The following PCM1 variants were observed in gnomAD, a reference collection of about 807,000 sequenced individuals.
The protein encoded by PCM1 is pericentriolar material 1, also known as pericentriolar material 1 protein.
A neutral mutation model predicts 241.9 loss-of-function variants in PCM1; 157 were observed. The observed-to-expected ratio is 0.65, with a 90% confidence interval of 0.57 to 0.74. The LOEUF (loss-of-function observed/expected upper bound fraction) is 0.74, where lower values mean the gene tolerates loss of function less well. Ranked by LOEUF, PCM1 falls within the 30% of genes least tolerant of loss-of-function variation. The pLI is 0.00. For missense variants in PCM1, 3,478 were observed against 2,360.1 expected (o/e 1.47, Z -9.81); for synonymous variants, 1,085 against 784.9 (o/e 1.38, Z -6.39).
intron 23 of PCM1, among the ~76,000 whole-genome samples, chr8:17,974,541 T>C (rs1314491604): frequency 1.3e-5 from 2 of 152,190 alleles, no homozygotes; most frequent in Non-Finnish European, 1.5e-5. Context: ...ACAGACTCTC[T>C]TGTGTTGCCA....
intron 21 of PCM1, 80 bp downstream of exon 21, chr8:17,967,250 T>G (rs2075214858): frequency 2.0e-6 from 2 of 983,566 alleles, no homozygotes; most frequent in Non-Finnish European, 3.0e-6. Context: ...CCTAGATGTT[T>G]TAACATTTTC....
intron 29 of PCM1, among the ~76,000 whole-genome samples, chr8:17,998,147 C>T (rs2087670209): frequency 6.6e-6 from 1 of 152,270 alleles, no homozygotes. Context: ...ATATCTCTCT[C>T]CAGGATTGGC....
At chr8:17,941,693 A>G (rs1459884610) in intron 6 of PCM1, among the ~76,000 whole-genome samples, 2 of 152,180 alleles carry the variant, frequency 1.3e-5, no homozygotes, top group Non-Finnish European at 2.9e-5. Flanking sequence ...ATTGAGGACA[A>G]ACTAGGGAAT....
rs1272027567 is a variant in PCM1, at chr8:17,972,608, G to C, written c.3864G>C (p.Leu1288=). The C allele has an allele frequency of 3.8e-6, 6 of 1,589,570 alleles. No homozygotes were observed. In the Admixed American group the frequency reaches 5.5e-5, roughly 15 times the overall value. The change falls in exon 23 of 39, where the codon CTG becomes CTC. Residue 1288 remains leucine (L), a synonymous_variant. Coordinates refer to ENST00000325083, the MANE Select transcript of PCM1 (RefSeq NM_006197.4). ...KTRKASAQAS[L]ASKDKTPKSK... ...GAAAAGCGTCTGCACAGGCCAGCCT[G>C]GCATCTAAAGATAAAACTCCCAAGT... is the stretch of plus-strand genomic sequence containing the variant.
chr8:17,958,575 G>A (rs527911321), intron 13 of PCM1, among the ~76,000 whole-genome samples: 1 of 147,268 alleles, frequency 6.8e-6, no homozygotes, highest in Admixed American at 6.7e-5. Flanking sequence ...AAGGTGTTGT[G>A]TATATATATA....
At chr8:17,978,259 GACTT>G (rs1366261746) in intron 23 of PCM1, among the ~76,000 whole-genome samples, 3 of 152,014 alleles carry the variant, frequency 2.0e-5, no homozygotes, top group Admixed American at 1.3e-4. Context: ...GACGATTAGA[GACTT>G]ACAAGAAGTT....
intron 26 of PCM1, 56 bp downstream of exon 26, chr8:17,986,143 A>C (rs2082508199): frequency 1.7e-6 from 2 of 1,202,284 alleles, no homozygotes; most frequent in Non-Finnish European, 2.3e-6. Flanking sequence ...CAGTAAATAA[A>C]AGTTAAATAG....
rs1399666500 is a variant in PCM1 at position 18,011,803 on chromosome 8, T to A, written c.5487T>A (p.Thr1829=). 6 of 1,613,170 alleles carry A rather than the reference T, an allele frequency of 3.7e-6. No individual in the cohort carries two copies. Among genetic ancestry groups the A allele is most frequent in the Non-Finnish European group, 5.1e-6 (6 of 1,179,674 alleles). ...QTSLQANTEA[T]EENEHDEQVL... Reference sequence around the variant, plus strand: ...CCCTCCAGGCTAACACTGAAGCTACTGAAGAAAATGAACATGATGAACAGG... The same window carrying A: ...CCCTCCAGGCTAACACTGAAGCTACAGAAGAAAATGAACATGATGAACAGG... Residue 1829 remains threonine (T), a synonymous_variant, in exon 34 of 39, where the codon ACT becomes ACA. Transcript: ENST00000325083.
At chr8:17,927,473 C>T (rs1315609511) in intron 2 of PCM1, 1 of 152,102 alleles carries the variant, frequency 6.6e-6, no homozygotes, top group Non-Finnish European at 1.5e-5. Context: ...CAAAGGTAAA[C>T]TGTAGTCATA....
rs2091255789 is a variant in PCM1, at chr8:18,006,143, A to G, written c.4828-120A>G. 6 of 757,082 alleles carry G rather than the reference A, an allele frequency of 7.9e-6. No homozygotes were observed. The East Asian group carries it at 1.7e-4, about 21-fold the overall frequency. The allele number at this position is 757,082 out of a possible 1,614,324, so 46.9% of individuals were successfully genotyped here. A position where few individuals can be genotyped will look rare whatever the true frequency, so the allele number is the denominator to read the frequency against. On this transcript the variant is annotated intron_variant, in intron 29 of 38. Coordinates refer to ENST00000325083, the MANE Select transcript of PCM1 (RefSeq NM_006197.4). ...ATGGATATTTCTAAACAGACATCTGAAAATTGAGGAGCATCTACGGCAAGA... is the reference window on the plus strand; with the variant it reads ...ATGGATATTTCTAAACAGACATCTGGAAATTGAGGAGCATCTACGGCAAGA...
intron 15 of PCM1, among the ~76,000 whole-genome samples, chr8:17,961,544 G>A (rs1045467350): frequency 2.0e-5 from 3 of 151,906 alleles, no homozygotes; most frequent in African/African-American, 2.4e-5. Flanking sequence ...GTCTCCTGCC[G>A]TCGTGATCCG....
chr8:17,948,262 TC>T (rs2064580228), intron 7 of PCM1, among the ~76,000 whole-genome samples: 1 of 151,714 alleles, frequency 6.6e-6, no homozygotes, highest in Admixed American at 6.6e-5. Context: ...GTTTGCATTT[TC>T]ACAAGGAACG....
At chr8:17,977,420 A>G (rs1346977798) in intron 23 of PCM1, among the ~76,000 whole-genome samples, 2 of 152,212 alleles carry the variant, frequency 1.3e-5, no homozygotes, top group African/African-American at 4.8e-5. Context: ...ATGGGATATC[A>G]CAGATAATAA....
At chr8:17,985,901 AAATG>A (rs2082419581) in intron 25 of PCM1, 54 bp from the exon 26 acceptor site, 4 of 1,162,864 alleles carry the variant, frequency 3.4e-6, no homozygotes, top group South Asian at 1.8e-5. Context: ...TCTGTAATAT[AAATG>A]AATGATTAAG....
At chr8:18,013,772 A>G (rs143332303) in intron 34 of PCM1, 192 bp from the exon 35 acceptor site, 94 of 527,086 alleles carry the variant, frequency 1.8e-4, no homozygotes, top group African/African-American at 1.7e-3. Flanking sequence ...TTTTAAGGCA[A>G]CAAGGAAACC....
Position 18,014,108 on chromosome 8 carries a change from A to AC in PCM1, c.5584+72_5584+73insC, listed in dbSNP as rs201849617. On this transcript the variant is annotated intron_variant, in intron 35 of 38. Coordinates refer to ENST00000325083, the MANE Select transcript of PCM1 (RefSeq NM_006197.4). ...TTGCTTTAAAGCTAAAAAAAAAAAA[A>AC]AAACACACACAGAAAACACTAAAAT... 8.0e-3 allele frequency: 6,682 copies of AC among 834,404 alleles called. 48 individuals are homozygous for AC. The highest frequency in any genetic ancestry group is 0.019 in the African/African-American group (1,066 of 56,656). The allele number at this position is 834,404 out of a possible 1,614,324, so 51.7% of individuals were successfully genotyped here.
chr8:18,019,800 C>T lies in PCM1; in HGVS notation c.5841+4960C>T, dbSNP rs145733701. On this transcript the variant is annotated intron_variant, in intron 36 of 38. Coordinates refer to ENST00000325083, the MANE Select transcript of PCM1 (RefSeq NM_006197.4). ...TCCTGCTATTTGGCCTGGTTCTTAACAGGCCCTGGACTGGTACTGGGGGTT... is the reference window on the plus strand; with the variant it reads ...TCCTGCTATTTGGCCTGGTTCTTAATAGGCCCTGGACTGGTACTGGGGGTT... Among the ~76,000 whole-genome samples, 193 of 152,288 alleles carry T rather than the reference C, an allele frequency of 1.3e-3. 1 individual carries two copies. The highest frequency in any genetic ancestry group is 1.5e-3 in the Non-Finnish European group (101 of 68,026).
chr8:18,018,026 C>T (rs547405337), intron 36 of PCM1, among the ~76,000 whole-genome samples: 1 of 152,342 alleles, frequency 6.6e-6, no homozygotes, highest in South Asian at 2.1e-4. Flanking sequence ...ACCTTATCCA[C>T]TTTCAACCCC....
chr8:18,005,786 A>G (rs2091125682), intron 29 of PCM1, among the ~76,000 whole-genome samples: 1 of 152,078 alleles, frequency 6.6e-6, no homozygotes, highest in African/African-American at 2.4e-5. Context: ...TCTAGTGGGT[A>G]GAGGCCAGGA....
Sources: allele counts gnomAD v4.1 joint callset (sites outside exome capture counted in the v4.1 genomes callset), GRCh38; gene constraint gnomAD v4.1.1; transcripts MANE v1.5; gene names NCBI Gene and HGNC (gene_info 2026-07-23, HGNC 2026-07-21).